COL5A1: variants seen among roughly 807,000 people sequenced by gnomAD.
COL5A1 encodes collagen alpha-1(V) chain.
Under a neutral mutation model 263.7 loss-of-function variants are expected in COL5A1, and 16 were observed. The observed-to-expected ratio is 0.06, with a 90% confidence interval of 0.04 to 0.09. COL5A1 has a LOEUF of 0.09. Among genes scored for constraint, COL5A1 ranks in the 10% least tolerant of loss-of-function variants. The pLI is 1.00. For synonymous variants in COL5A1, 1,012 were observed against 1,004.5 expected, an observed-to-expected ratio of 1.01 and a Z score of -0.14; for missense variants, 2,036 against 2,540.5, an observed-to-expected ratio of 0.80 and a Z score of 4.27.
At chr9:134,728,885 T>C (rs1434697558) in intron 6 of COL5A1, 78 bp downstream of exon 6, 11 of 1,587,000 alleles carry the variant, frequency 6.9e-6, no homozygotes, top group Admixed American at 1.7e-5. Context: ...CCAGGAGAGG[T>C]TGTGTCAGGG....
chr9:134,832,139 C>T lies in COL5A1; in HGVS notation c.5136+2095C>T, dbSNP rs186551630. 6.2e-4 allele frequency among the ~76,000 whole-genome samples: 95 copies of T among 152,252 alleles called. 1 individual carries two copies. In the Middle Eastern group the frequency reaches 0.017, roughly 27 times the overall value. ...TGCAAAAATGGGCTGGGCAGGTTGGCTCACACCTGTAATCCCAGCACTTTG... is the reference window on the plus strand; with the variant it reads ...TGCAAAAATGGGCTGGGCAGGTTGGTTCACACCTGTAATCCCAGCACTTTG... On this transcript the variant is annotated intron_variant, in intron 64 of 65. Transcript: ENST00000371817.
chr9:134,759,282 A>ACACACACCACACATG (rs751239129), intron 18 of COL5A1, among the ~76,000 whole-genome samples: 1 of 150,408 alleles, frequency 6.6e-6, no homozygotes, highest in African/African-American at 2.5e-5. Flanking sequence ...ACACACATGC[A>ACACACACCACACATG]CACACACGCA....
intron 4 of COL5A1, among the ~76,000 whole-genome samples, chr9:134,715,486 TG>T (rs1317497420): frequency 6.6e-6 from 1 of 152,164 alleles, no homozygotes; most frequent in African/African-American, 2.4e-5. Context: ...GGTGTCAGTC[TG>T]GGGGATGGTC....
intron 29 of COL5A1, among the ~76,000 whole-genome samples, chr9:134,784,201 G>A (rs941753619): frequency 6.6e-6 from 1 of 152,244 alleles, no homozygotes; most frequent in East Asian, 1.9e-4. Flanking sequence ...TTCCTGACCC[G>A]ATGACAGATT....
chr9:134,764,710 G>A (rs956374793), intron 20 of COL5A1, among the ~76,000 whole-genome samples: 2 of 152,106 alleles, frequency 1.3e-5, no homozygotes, highest in Admixed American at 6.5e-5. Context: ...AGGAGGCAGG[G>A]GTCGGTGCCT....
At chr9:134,781,444 A>C (rs1281095670) in intron 28 of COL5A1, among the ~76,000 whole-genome samples, 1 of 152,240 alleles carries the variant, frequency 6.6e-6, no homozygotes, top group Non-Finnish European at 1.5e-5. Context: ...CAGGGTCCCC[A>C]TCCCAGAATT....
intron 27 of COL5A1, among the ~76,000 whole-genome samples, chr9:134,776,173 G>A (rs1393366096): frequency 2.0e-5 from 3 of 152,148 alleles, no homozygotes; most frequent in Non-Finnish European, 4.4e-5. Flanking sequence ...AGCCTTAGGC[G>A]AGTCAGGTTT....
At chr9:134,687,833 C>T (rs1225430227) in intron 1 of COL5A1, among the ~76,000 whole-genome samples, 3 of 152,158 alleles carry the variant, frequency 2.0e-5, no homozygotes, top group South Asian at 2.1e-4. Flanking sequence ...GGGAAGTGCA[C>T]GGGCCAGTGT....
chr9:134,828,151 G>T (rs559891480), intron 63 of COL5A1, among the ~76,000 whole-genome samples: 3 of 152,300 alleles, frequency 2.0e-5, no homozygotes, highest in East Asian at 1.9e-4. Flanking sequence ...GGCAGCCGGG[G>T]CTCCCCTTGT....
At position 134,758,433 on chromosome 9, in the gene COL5A1, C is replaced by T. The variant is rs921666195; in HGVS notation, c.1935+137C>T. On this transcript the variant is annotated intron_variant, in intron 18 of 65. Coordinates refer to ENST00000371817, the MANE Select transcript of COL5A1 (RefSeq NM_000093.5). This position sits in a 1 kb window ranked among gnomAD's most constrained non-coding sequence, Gnocchi z 4.1. Reference sequence around the variant, plus strand: ...CCATTCCAACAGTCAGTATACAAACCTCACGGGAGTCAGCAATGGCAGTGA... The same window carrying T: ...CCATTCCAACAGTCAGTATACAAACTTCACGGGAGTCAGCAATGGCAGTGA... 39 of 843,808 alleles carry T rather than the reference C, an allele frequency of 4.6e-5. No individual in the cohort carries two copies. The highest frequency in any genetic ancestry group is 7.2e-5 in the Non-Finnish European group (37 of 512,984). The allele number at this position is 843,808 out of a possible 1,614,324, so 52.3% of individuals were successfully genotyped here. A position where few individuals can be genotyped will look rare whatever the true frequency, so the allele number is the denominator to read the frequency against.
At chr9:134,817,927 T>C in intron 54 of COL5A1, 96 bp downstream of exon 54, 2 of 1,315,018 alleles carry the variant, frequency 1.5e-6, no homozygotes, top group South Asian at 1.3e-5. Flanking sequence ...GAGATGTCCA[T>C]GGAGGCTGAG....
chr9:134,645,003 T>C (rs74852134), intron 1 of COL5A1, among the ~76,000 whole-genome samples: 2,853 of 152,180 alleles, frequency 0.019, 121 homozygotes, highest in African/African-American at 0.066. Flanking sequence ...AAAAGAGCAG[T>C]GAGTGGGAGG....
At position 134,755,227 on chromosome 9, in the gene COL5A1, A is replaced by G. The variant is rs1835925969; in HGVS notation, c.1827+901A>G. Among the ~76,000 whole-genome samples the G allele has an allele frequency of 6.6e-6, 1 of 152,182 alleles. No homozygotes were observed. Among genetic ancestry groups the G allele is most frequent in the Non-Finnish European group, 1.5e-5 (1 of 68,040 alleles). On this transcript the variant is annotated intron_variant, in intron 16 of 65. Transcript: ENST00000371817. This position sits in a 1 kb window ranked among gnomAD's most constrained non-coding sequence, Gnocchi z 4.1. ...GCTCTGGAATCGACTCTTGGTAGAC[A>G]ATTGGGCCATTTATTTGGATCTGAT...
In COL5A1 at chr9:134,642,021, C is replaced by G; in HGVS notation, c.-167C>G. On this transcript the variant is annotated 5_prime_UTR_variant, in exon 1 of 66. Coordinates refer to ENST00000371817, the MANE Select transcript of COL5A1 (RefSeq NM_000093.5). This position sits in a 1 kb window ranked among gnomAD's most constrained non-coding sequence, Gnocchi z 4.5. ...GGGCGAGCGCGCCAGCCGCCCCTTCCAGAACAGCCGCCGCCACAAAGAAGA... is the reference window on the plus strand; with the variant it reads ...GGGCGAGCGCGCCAGCCGCCCCTTCGAGAACAGCCGCCGCCACAAAGAAGA... The G allele has an allele frequency of 1.7e-6, 1 of 604,050 alleles. No homozygotes were observed. The highest frequency in any genetic ancestry group is 2.4e-6 in the Non-Finnish European group (1 of 415,112). 37.4% of individuals were successfully genotyped at this position (604,050 alleles called of 1,614,324 possible).
At chr9:134,743,958 G>A (rs1333028350) in intron 11 of COL5A1, among the ~76,000 whole-genome samples, 1 of 152,118 alleles carries the variant, frequency 6.6e-6, no homozygotes, top group African/African-American at 2.4e-5. Flanking sequence ...CCAGCCTTGG[G>A]GTGATGCCCT....
At chr9:134,760,542 CCACA>C (rs750072534) in intron 18 of COL5A1, among the ~76,000 whole-genome samples, 12 of 94,792 alleles carry the variant, frequency 1.3e-4, no homozygotes, top group Non-Finnish European at 2.2e-4. Flanking sequence ...ACTCATACAC[CCACA>C]CACACACGCA....
rs762627467 is a variant in COL5A1 at position 134,696,322 on chromosome 9, T to C, written c.278-3587T>C. 3.9e-5 allele frequency among the ~76,000 whole-genome samples: 6 copies of C among 152,048 alleles called. No homozygotes were observed. Among genetic ancestry groups the C allele is most frequent in the African/African-American group, 1.4e-4 (6 of 41,398 alleles). Reference sequence around the variant, plus strand: ...CCGAGTAGTTGGGATTACAGGTGTGTGCCACCACACCCGGCTAATTTTTTT... The same window carrying C: ...CCGAGTAGTTGGGATTACAGGTGTGCGCCACCACACCCGGCTAATTTTTTT... On this transcript the variant is annotated intron_variant, in intron 2 of 65. Transcript: ENST00000371817. This position sits in a 1 kb window ranked among gnomAD's most constrained non-coding sequence, Gnocchi z 4.3.
chr9:134,754,270 C>T lies in COL5A1; in HGVS notation c.1774-3C>T. ...CTGACCCTTTGTCTCTTACCCCTGG[C>T]AGGGTCCTCGAGGTGTGCAAGGCCC... On this transcript the variant is annotated splice_polypyrimidine_tract_variant and splice_region_variant and intron_variant, in intron 15 of 65. Coordinates refer to ENST00000371817, the MANE Select transcript of COL5A1 (RefSeq NM_000093.5). The surrounding 1 kb of genome is among the most constrained non-coding windows in gnomAD (Gnocchi z 4.3). 3.1e-6 allele frequency: 5 copies of T among 1,613,750 alleles called. No individual in the cohort carries two copies. Among genetic ancestry groups the T allele is most frequent in the Non-Finnish European group, 4.2e-6 (5 of 1,179,992 alleles).
chr9:134,645,137 G>A (rs187355869), intron 1 of COL5A1, among the ~76,000 whole-genome samples: 1 of 152,338 alleles, frequency 6.6e-6, no homozygotes, highest in African/African-American at 2.4e-5. Flanking sequence ...GCCCCAGGCA[G>A]GGGCGTGCTC....
Sources: allele counts gnomAD v4.1 joint callset (sites outside exome capture counted in the v4.1 genomes callset), GRCh38; gene constraint gnomAD v4.1.1; non-coding constraint Gnocchi (gnomAD v3.1); transcripts MANE v1.5; gene names NCBI Gene and HGNC (gene_info 2026-07-23, HGNC 2026-07-21).